Variants in KIF9 observed in about 807,000 individuals in gnomAD.
KIF9 encodes kinesin family member 9.
Under a neutral mutation model 94.8 loss-of-function variants are expected in KIF9, and 68 were observed. The ratio of observed to expected loss-of-function variants is 0.72; its 90% CI spans 0.59 to 0.88. The LOEUF is 0.88. Among genes scored for constraint, KIF9 ranks in the 40% least tolerant of loss-of-function variants. KIF9 has a pLI of 0.00. For synonymous variants in KIF9, 343 were observed against 362.1 expected (o/e 0.95, Z 0.60); for missense variants, 882 against 982.5 (o/e 0.90, Z 1.37).
intron 9 of KIF9, 191 bp downstream of exon 9, chr3:47,264,095 G>C (rs562385636): frequency 6.8e-6 from 4 of 591,372 alleles, no homozygotes; most frequent in Non-Finnish European, 1.3e-5. Context: ...CCTCCGCACA[G>C]CTTAGTGCTT....
intron 9 of KIF9, among the ~76,000 whole-genome samples, chr3:47,258,817 A>G (rs961364459): frequency 2.6e-5 from 4 of 152,160 alleles, no homozygotes; most frequent in Non-Finnish European, 2.9e-5. Flanking sequence ...TTTTCTTTAT[A>G]AAGTACCCAG....
chr3:47,257,365 C>T, intron 10 of KIF9, 118 bp downstream of exon 10: 3 of 879,686 alleles, frequency 3.4e-6, no homozygotes, highest in Non-Finnish European at 5.5e-6. Context: ...AGGGCTGACC[C>T]AGGGCTGCAT....
At chr3:47,256,949 C>T (rs1700655226) in intron 10 of KIF9, among the ~76,000 whole-genome samples, 1 of 152,064 alleles carries the variant, frequency 6.6e-6, no homozygotes, top group Non-Finnish European at 1.5e-5. Flanking sequence ...AGGCAGCATG[C>T]TCTTTAAGAG....
chr3:47,233,827 C>A (rs956942117), intron 20 of KIF9, among the ~76,000 whole-genome samples: 1 of 147,586 alleles, frequency 6.8e-6, no homozygotes, highest in African/African-American at 2.5e-5. Flanking sequence ...CGGTGGCTCA[C>A]GCCTGTAATC....
chr3:47,255,887 G>C (rs928091782), intron 10 of KIF9, among the ~76,000 whole-genome samples: 10 of 152,214 alleles, frequency 6.6e-5, no homozygotes, highest in Non-Finnish European at 1.5e-4. Flanking sequence ...AGCCTGCCGA[G>C]TGCCTGTGAT....
intron 14 of KIF9, 106 bp from the exon 15 acceptor site, chr3:47,245,030 T>C: frequency 1.4e-6 from 2 of 1,458,822 alleles, no homozygotes; most frequent in South Asian, 1.3e-5. Context: ...ATGTTCACCA[T>C]ACACACCAAG....
chr3:47,261,033 G>A (rs1214019333), intron 9 of KIF9, among the ~76,000 whole-genome samples: 1 of 152,192 alleles, frequency 6.6e-6, no homozygotes, highest in Non-Finnish European at 1.5e-5. Context: ...CAGTTTCTCA[G>A]GTAAGGCCAG....
chr3:47,248,850 C>T (rs1700091208), intron 10 of KIF9, among the ~76,000 whole-genome samples: 2 of 151,512 alleles, frequency 1.3e-5, no homozygotes, highest in Admixed American at 1.3e-4. Context: ...CTCAAGCAAT[C>T]CTCTCACCTC....
At position 47,264,386 on chromosome 3, in the gene KIF9, T is replaced by C. The variant is rs772709357; in HGVS notation, c.917-36A>G. ...CAAGACACAGAAGGGCTATGAACCA[T>C]GTGTTTTTTCTGCTCCAAAGGAGTT... On this transcript the variant is annotated intron_variant, in intron 8 of 20. Transcript: ENST00000684063. The C allele has an allele frequency of 4.4e-6, 7 of 1,581,532 alleles. No individual in the cohort carries two copies. The South Asian group carries it at 7.7e-5, about 18-fold the overall frequency.
intron 10 of KIF9, among the ~76,000 whole-genome samples, chr3:47,254,881 A>G (rs190376290): frequency 2.0e-5 from 3 of 152,308 alleles, no homozygotes; most frequent in Admixed American, 6.5e-5. Context: ...ACCCTAGACC[A>G]GCAGAATCAG....
intron 10 of KIF9, among the ~76,000 whole-genome samples, chr3:47,257,016 AG>A (rs1257016837): frequency 6.6e-6 from 1 of 152,180 alleles, no homozygotes; most frequent in Non-Finnish European, 1.5e-5. Context: ...GGAAGGCCAG[AG>A]GGTCCTCTGC....
chr3:47,240,101 C>A (rs1283592193), intron 17 of KIF9: 17 of 408,598 alleles, frequency 4.2e-5, no homozygotes, highest in Non-Finnish European at 6.1e-5. Flanking sequence ...TCAGATAAGT[C>A]ATCTGAACAC....
chr3:47,236,303 G>C (rs1345594214), intron 18 of KIF9, 140 bp downstream of exon 18: 4 of 1,068,024 alleles, frequency 3.7e-6, no homozygotes. Context: ...ACAGTCCTGG[G>C]AACCACACAT....
chr3:47,280,638 C>A (rs1702268422), intron 1 of KIF9, among the ~76,000 whole-genome samples: 1 of 152,190 alleles, frequency 6.6e-6, no homozygotes, highest in Admixed American at 6.5e-5. Context: ...GCAGTGATGG[C>A]ACACCACTGC....
chr3:47,264,648 G>A (rs943289571), intron 8 of KIF9, among the ~76,000 whole-genome samples: 39 of 152,220 alleles, frequency 2.6e-4, no homozygotes, highest in African/African-American at 9.4e-4. Context: ...ATGTTGCCCA[G>A]GCTGGTCTTG....
intron 17 of KIF9, among the ~76,000 whole-genome samples, chr3:47,238,904 C>G (rs1002005002): frequency 3.9e-5 from 6 of 152,200 alleles, no homozygotes; most frequent in African/African-American, 1.4e-4. Context: ...ACCTCGTGAT[C>G]TGCCCGCCTC....
chr3:47,246,041 G>A, intron 13 of KIF9, 156 bp downstream of exon 13: 1 of 609,930 alleles, frequency 1.6e-6, no homozygotes, highest in East Asian at 2.9e-5. Flanking sequence ...TGAACTCACT[G>A]AATATCCACC....
At chr3:47,247,960 C>T (rs1700032694) in intron 11 of KIF9, 58 bp downstream of exon 11, 5 of 1,366,346 alleles carry the variant, frequency 3.7e-6, no homozygotes, top group Admixed American at 1.7e-5. Context: ...GCCCCAGTCC[C>T]TCTAGTCACC....
rs36108313 is a variant in KIF9 at position 47,269,768 on chromosome 3, AT to A, written c.591+1468del. ...AGGTGCCCACCACCACTCCCAGCTAATTTTTTTTTTTTTTTTTTTTTTTTTT... is the reference window on the plus strand; with the variant it reads ...AGGTGCCCACCACCACTCCCAGCTAATTTTTTTTTTTTTTTTTTTTTTTTT... On this transcript the variant is annotated intron_variant, in intron 5 of 20. Coordinates refer to ENST00000684063, the MANE Select transcript of KIF9 (RefSeq NM_182902.4). 2.7e-3 allele frequency among the ~76,000 whole-genome samples: 233 copies of A among 86,430 alleles called. 1 individual carries two copies. The highest frequency in any genetic ancestry group is 7.7e-3 in the East Asian group (22 of 2,840). 56.7% of individuals were successfully genotyped at this position (86,430 alleles called of 152,430 possible). A position where few individuals can be genotyped will look rare whatever the true frequency, so the allele number is the denominator to read the frequency against.
Sources: gnomAD v4.1 joint callset for allele counts (sites outside exome capture counted in the v4.1 genomes callset) on GRCh38, gnomAD v4.1.1 for gene constraint, MANE v1.5 for transcripts, NCBI Gene and HGNC (gene_info 2026-07-23, HGNC 2026-07-21) for gene names.